EPB41L4A: variants seen among roughly 807,000 people sequenced by gnomAD.
EPB41L4A encodes the protein band 4.1-like protein 4A.
A neutral mutation model predicts 108.6 loss-of-function variants in EPB41L4A; 100 were observed. The observed-to-expected ratio is 0.92, with a 90% CI of 0.78 to 1.09. EPB41L4A has a LOEUF of 1.09. EPB41L4A is among the 50% of genes least tolerant of loss of function. The probability of loss-of-function intolerance (pLI) is 0.00; values close to 1 mark genes in which losing one functional copy is unlikely to be tolerated. For synonymous variants in EPB41L4A, 319 were observed against 289.0 expected, an observed-to-expected ratio of 1.10 and a Z score of -1.05; for missense variants, 1,030 against 842.7, an observed-to-expected ratio of 1.22 and a Z score of -2.75.
intron 12 of EPB41L4A, among the ~76,000 whole-genome samples, chr5:112,150,394 A>C (rs1473579359): frequency 6.6e-6 from 1 of 152,176 alleles, no homozygotes; most frequent in Non-Finnish European, 1.5e-5. Context: ...ATCTATTTCA[A>C]GACATAAAAG....
intron 1 of EPB41L4A, among the ~76,000 whole-genome samples, chr5:112,361,687 A>G (rs1758770801): frequency 7.3e-6 from 1 of 137,254 alleles, no homozygotes; most frequent in Admixed American, 7.9e-5. Flanking sequence ...TAAAATAAAA[A>G]GAACACCAAA....
intron 1 of EPB41L4A, among the ~76,000 whole-genome samples, chr5:112,328,630 C>T (rs1756346892): frequency 1.3e-5 from 2 of 152,178 alleles, no homozygotes; most frequent in Admixed American, 1.3e-4. Context: ...ATTTAAAACA[C>T]CATTCAGGTT....
chr5:112,227,523 A>G (rs1748553168), intron 12 of EPB41L4A, among the ~76,000 whole-genome samples: 1 of 152,224 alleles, frequency 6.6e-6, no homozygotes, highest in African/African-American at 2.4e-5. Context: ...TCAAGGCTCA[A>G]GCTGGCTAAG....
chr5:112,296,322 G>T (rs56359113), intron 2 of EPB41L4A, among the ~76,000 whole-genome samples: 9,339 of 151,916 alleles, frequency 0.061, 319 homozygotes, highest in Non-Finnish European at 0.068. Context: ...TAACATTTTG[G>T]TAAGTGTTGA....
intron 11 of EPB41L4A, among the ~76,000 whole-genome samples, chr5:112,236,406 T>C (rs1028688043): frequency 3.9e-5 from 6 of 152,242 alleles, no homozygotes; most frequent in Non-Finnish European, 8.8e-5. Flanking sequence ...AAGCTCTGCC[T>C]TTCCCCAGCT....
intron 1 of EPB41L4A, among the ~76,000 whole-genome samples, chr5:112,393,384 C>T (rs56238189): frequency 1.2e-3 from 175 of 151,894 alleles, no homozygotes; most frequent in Non-Finnish European, 1.5e-3. Context: ...ATCAAACAGA[C>T]GCGATAAAAA....
chr5:112,366,928 A>G (rs143572950), intron 1 of EPB41L4A, among the ~76,000 whole-genome samples: 127 of 152,336 alleles, frequency 8.3e-4, no homozygotes, highest in African/African-American at 3.0e-3. Context: ...CCCTCAAAGT[A>G]TATCTGAAAG....
intron 1 of EPB41L4A, among the ~76,000 whole-genome samples, chr5:112,409,099 G>A (rs1174270270): frequency 1.1e-4 from 17 of 152,078 alleles, no homozygotes; most frequent in Admixed American, 9.2e-4. Flanking sequence ...ATCGACTGAT[G>A]AAAGAATAAA....
chr5:112,395,076 C>G (rs1243333324), intron 1 of EPB41L4A, among the ~76,000 whole-genome samples: 1 of 152,194 alleles, frequency 6.6e-6, no homozygotes, highest in Non-Finnish European at 1.5e-5. Flanking sequence ...CTTCCTTACA[C>G]CTTATACAAA....
intron 12 of EPB41L4A, chr5:112,146,097 T>C (rs1008779576): frequency 9.9e-6 from 4 of 404,566 alleles, no homozygotes; most frequent in South Asian, 1.8e-5. Context: ...CCCATTCATC[T>C]GATAGGGTCT....
At chr5:112,333,597 ACT>A (rs1031069105) in intron 1 of EPB41L4A, among the ~76,000 whole-genome samples, 1 of 151,076 alleles carries the variant, frequency 6.6e-6, no homozygotes, top group Non-Finnish European at 1.5e-5. Flanking sequence ...CAATTGCCTG[ACT>A]CTCTGGTCCT....
chr5:112,279,021 C>A (rs1296539705), intron 3 of EPB41L4A, among the ~76,000 whole-genome samples: 7 of 147,044 alleles, frequency 4.8e-5, no homozygotes, highest in Admixed American at 3.4e-4. Context: ...GCCAAGAGCT[C>A]GCCACTGCAC....
intron 16 of EPB41L4A, among the ~76,000 whole-genome samples, chr5:112,195,313 A>C (rs986661946): frequency 1.3e-5 from 2 of 152,058 alleles, no homozygotes; most frequent in Admixed American, 1.3e-4. Context: ...ATCTGACCAC[A>C]GCCTCATGAA....
intron 1 of EPB41L4A, among the ~76,000 whole-genome samples, chr5:112,379,712 C>T (rs1011490542): frequency 6.6e-6 from 1 of 152,294 alleles, no homozygotes; most frequent in East Asian, 1.9e-4. Flanking sequence ...GAAGTCCTGG[C>T]CAGCATTTAC....
intron 2 of EPB41L4A, among the ~76,000 whole-genome samples, chr5:112,298,436 A>G (rs1754150367): frequency 6.6e-6 from 1 of 152,154 alleles, no homozygotes; most frequent in Admixed American, 6.5e-5. Flanking sequence ...GCATCTACTG[A>G]GATGATCATG....
intron 18 of EPB41L4A, chr5:112,173,660 T>G (rs1243349021): frequency 1.3e-5 from 2 of 149,750 alleles, no homozygotes; most frequent in African/African-American, 4.9e-5. Flanking sequence ...TTTTTTTTTT[T>G]TGAGAGAGAG....
chr5:112,401,858 T>C (rs78545462), intron 1 of EPB41L4A, among the ~76,000 whole-genome samples: 4,484 of 152,340 alleles, frequency 0.029, 237 homozygotes, highest in African/African-American at 0.1. Context: ...TGGTTGCGTA[T>C]GATTAGAAAA....
At chr5:112,283,471 C>G (rs1318051278) in intron 2 of EPB41L4A, among the ~76,000 whole-genome samples, 2 of 152,136 alleles carry the variant, frequency 1.3e-5, no homozygotes, top group Non-Finnish European at 2.9e-5. Flanking sequence ...AACAAGCAAT[C>G]AAACAGAGCA....
chr5:112,188,105 T>C (rs969241014), intron 17 of EPB41L4A, among the ~76,000 whole-genome samples: 2 of 152,254 alleles, frequency 1.3e-5, no homozygotes, highest in Non-Finnish European at 2.9e-5. Flanking sequence ...AGACAATTGC[T>C]TCACATGGCC....
Sources: allele counts gnomAD v4.1 joint callset (sites outside exome capture counted in the v4.1 genomes callset), GRCh38; gene constraint gnomAD v4.1.1; transcripts MANE v1.5; gene names NCBI Gene and HGNC (gene_info 2026-07-23, HGNC 2026-07-21).